RARB: variants seen among roughly 807,000 people sequenced by gnomAD.
The protein encoded by RARB is HBV-activated protein.
In RARB, 17 loss-of-function variants were observed where a neutral mutation model predicts 51.9. The ratio of observed to expected loss-of-function variants is 0.33; its 90% CI spans 0.22 to 0.49. The LOEUF is 0.49. RARB is among the 20% of genes least tolerant of loss of function. The pLI is 0.99. For synonymous variants in RARB, 215 were observed against 195.4 expected (o/e 1.10, Z -0.84); for missense variants, 369 against 550.8 (o/e 0.67, Z 3.30).
intron 2 of RARB, among the ~76,000 whole-genome samples, chr3:25,489,990 T>C (rs1696649726): frequency 6.6e-6 from 1 of 152,258 alleles, no homozygotes; most frequent in Non-Finnish European, 1.5e-5. Flanking sequence ...TTAAGTAATA[T>C]TTTCTCAATA....
At chr3:24,841,384 T>C (rs181732752) in intron 1 of RARB, among the ~76,000 whole-genome samples, 1 of 152,334 alleles carries the variant, frequency 6.6e-6, no homozygotes, top group East Asian at 1.9e-4. Context: ...TTGGTCAGAA[T>C]TGCTGCTTAG....
At chr3:24,972,639 C>G (rs1559417085) in intron 2 of RARB, among the ~76,000 whole-genome samples, 1 of 152,100 alleles carries the variant, frequency 6.6e-6, no homozygotes, top group East Asian at 1.9e-4. Context: ...TCTCCACATC[C>G]TTGCCAGCAT....
intron 1 of RARB, among the ~76,000 whole-genome samples, chr3:25,448,513 G>T (rs1336332640): frequency 2.0e-5 from 3 of 152,098 alleles, no homozygotes; most frequent in Non-Finnish European, 4.4e-5. Context: ...TGTTGCCCAG[G>T]CTGGAGTGCA....
intron 2 of RARB, among the ~76,000 whole-genome samples, chr3:25,056,297 G>A (rs1279441876): frequency 6.6e-6 from 1 of 152,100 alleles, no homozygotes; most frequent in Non-Finnish European, 1.5e-5. Flanking sequence ...TAGCACATCA[G>A]GGGAGGGAAA....
At chr3:25,422,972 C>T (rs893387460) in intron 5 of RARB, among the ~76,000 whole-genome samples, 1 of 152,178 alleles carries the variant, frequency 6.6e-6, no homozygotes, top group African/African-American at 2.4e-5. Context: ...TTAAGTACAT[C>T]CATGCCCATT....
chr3:25,041,537 G>GAA (rs754278956), intron 2 of RARB, among the ~76,000 whole-genome samples: 17 of 132,882 alleles, frequency 1.3e-4, no homozygotes, highest in African/African-American at 4.1e-4. Flanking sequence ...GGACATTTGG[G>GAA]AAAAAAAAAA....
intron 5 of RARB, among the ~76,000 whole-genome samples, chr3:25,281,827 T>C (rs1358277031): frequency 2.0e-5 from 3 of 152,224 alleles, no homozygotes; most frequent in African/African-American, 7.2e-5. Context: ...CCCCGACATA[T>C]CCAGCCATTT....
chr3:25,475,431 A>T (rs4681065), intron 2 of RARB, among the ~76,000 whole-genome samples: 3 of 151,978 alleles, frequency 2.0e-5, no homozygotes, highest in Non-Finnish European at 4.4e-5. Context: ...AAAAATCACT[A>T]TAGATAAGTT....
At chr3:25,329,293 C>T (rs1044085496) in intron 5 of RARB, among the ~76,000 whole-genome samples, 1 of 152,094 alleles carries the variant, frequency 6.6e-6, no homozygotes, top group African/African-American at 2.4e-5. Context: ...TGACTGACAC[C>T]TCATACGGCC....
chr3:24,856,185 G>A (rs917105362), intron 1 of RARB, among the ~76,000 whole-genome samples: 6 of 152,216 alleles, frequency 3.9e-5, no homozygotes, highest in Non-Finnish European at 8.8e-5. Context: ...GTGGAATTTT[G>A]CAGGGATAAA....
At chr3:25,535,695 A>G (rs1158668239) in intron 3 of RARB, among the ~76,000 whole-genome samples, 1 of 152,114 alleles carries the variant, frequency 6.6e-6, no homozygotes, top group Non-Finnish European at 1.5e-5. Context: ...TTTGCTGAGA[A>G]TGATGGTTTA....
chr3:25,118,846 A>C (rs1699733268), intron 3 of RARB, among the ~76,000 whole-genome samples: 1 of 152,158 alleles, frequency 6.6e-6, no homozygotes, highest in East Asian at 1.9e-4. Context: ...GAGGTCCCAG[A>C]GTTTCCCGTT....
chr3:25,277,870 A>G (rs1703431931), intron 5 of RARB, among the ~76,000 whole-genome samples: 1 of 152,144 alleles, frequency 6.6e-6, no homozygotes, highest in South Asian at 2.1e-4. Flanking sequence ...AAGACCATAT[A>G]CCTCTTTATA....
chr3:25,079,701 T>C (rs1698952538), intron 3 of RARB, among the ~76,000 whole-genome samples: 2 of 152,178 alleles, frequency 1.3e-5, no homozygotes, highest in South Asian at 4.1e-4. Flanking sequence ...TTTTAAAAAA[T>C]ATATTACTTT....
intron 3 of RARB, among the ~76,000 whole-genome samples, chr3:25,064,210 G>A (rs924828269): frequency 3.9e-5 from 6 of 151,974 alleles, no homozygotes; most frequent in Non-Finnish European, 8.8e-5. Context: ...TTATAAGATT[G>A]CCATCTCAAC....
chr3:25,050,750 C>T (rs1176278317), intron 2 of RARB, among the ~76,000 whole-genome samples: 1 of 152,184 alleles, frequency 6.6e-6, no homozygotes, highest in Non-Finnish European at 1.5e-5. Flanking sequence ...CATTCTTCCT[C>T]CCCCATTCTC....
intron 5 of RARB, among the ~76,000 whole-genome samples, chr3:25,227,846 G>T (rs953859125): frequency 6.6e-6 from 1 of 151,946 alleles, no homozygotes; most frequent in Non-Finnish European, 1.5e-5. Context: ...CATTATCCCA[G>T]CCAGGTTTTA....
chr3:25,056,470 T>A (rs1329933784), intron 2 of RARB, among the ~76,000 whole-genome samples: 2 of 152,134 alleles, frequency 1.3e-5, no homozygotes, highest in Admixed American at 6.6e-5. Context: ...GCATAAATAT[T>A]GTTTGGACAA....
intron 1 of RARB, among the ~76,000 whole-genome samples, chr3:25,440,942 CAAAT>C (rs1708649084): frequency 1.3e-5 from 2 of 152,066 alleles, no homozygotes; most frequent in Non-Finnish European, 2.9e-5. Context: ...AATTCACACG[CAAAT>C]GAAGATGGAA....
Sources: gnomAD v4.1 joint callset for allele counts (sites outside exome capture counted in the v4.1 genomes callset) on GRCh38, gnomAD v4.1.1 for gene constraint, MANE v1.5 for transcripts, NCBI Gene and HGNC (gene_info 2026-07-23, HGNC 2026-07-21) for gene names.